The following EXOC4 variants were observed in gnomAD, a reference collection of about 807,000 sequenced individuals.
EXOC4 encodes the protein SEC8-like 1.
In EXOC4, 71 loss-of-function variants were observed where a neutral mutation model predicts 107.2. The observed-to-expected ratio is 0.66, with a 90% CI of 0.55 to 0.81. The LOEUF (loss-of-function observed/expected upper bound fraction) is 0.81. Among genes scored for constraint, EXOC4 ranks in the 30% least tolerant of loss-of-function variants. EXOC4 has a pLI of 0.00. For missense variants in EXOC4, 1,108 were observed against 1,189.6 expected (o/e 0.93, Z 1.01); for synonymous variants, 456 against 441.2 (o/e 1.03, Z -0.42).
At chr7:133,379,648 T>C (rs1228411422) in intron 7 of EXOC4, among the ~76,000 whole-genome samples, 1 of 151,924 alleles carries the variant, frequency 6.6e-6, no homozygotes, top group African/African-American at 2.4e-5. Context: ...TGTGAATAAG[T>C]TTTTATGACC....
Position 134,015,676 on chromosome 7 carries a change from A to C in EXOC4, c.2687+7841A>C, listed in dbSNP as rs28742058. Among the ~76,000 whole-genome samples, 565 of 152,156 alleles carry C rather than the reference A, an allele frequency of 3.7e-3. 6 individuals are homozygous for C. The highest frequency in any genetic ancestry group is 0.013 in the African/African-American group (544 of 41,500). On this transcript the variant is annotated intron_variant, in intron 17 of 17. Transcript: ENST00000253861. ...TGGATCACGAGGTCAGGAGATCGAG[A>C]CCATCTTGGCCAACATGGTGAAATC... is the stretch of plus-strand genomic sequence containing the variant.
At chr7:133,255,625 A>G (rs893235445) in intron 1 of EXOC4, among the ~76,000 whole-genome samples, 3 of 152,228 alleles carry the variant, frequency 2.0e-5, no homozygotes, top group African/African-American at 7.2e-5. Context: ...ATATGACCTT[A>G]AGACCGAATG....
At chr7:133,876,811 TTTTTGTTTTG>T (rs544997949) in intron 11 of EXOC4, among the ~76,000 whole-genome samples, 2 of 152,092 alleles carry the variant, frequency 1.3e-5, no homozygotes, top group Non-Finnish European at 2.9e-5. Flanking sequence ...CTTTCTTTCT[TTTTTGTTTTG>T]TTTTGTTTTG....
chr7:133,972,442 A>G (rs992113494), intron 14 of EXOC4, among the ~76,000 whole-genome samples: 5 of 152,208 alleles, frequency 3.3e-5, no homozygotes, highest in African/African-American at 9.6e-5. Context: ...TGATTCTTGG[A>G]CATACTTTAA....
rs183154954 is a variant in EXOC4, at chr7:133,273,979, G to T, written c.87-1003G>T. On this transcript the variant is annotated intron_variant, in intron 1 of 17. Transcript: ENST00000253861. The stretch of plus-strand genomic sequence containing the variant: ...CACAGCCAACAGATAAGAGGAAAAG[G>T]TTCCTTTGTTACTGATTATAATACT... Among the ~76,000 whole-genome samples, 575 of 152,182 alleles carry T rather than the reference G, an allele frequency of 3.8e-3. 5 individuals carry two copies. The highest frequency in any genetic ancestry group is 0.013 in the African/African-American group (538 of 41,528).
intron 12 of EXOC4, among the ~76,000 whole-genome samples, chr7:133,908,623 A>C (rs1799621353): frequency 6.6e-6 from 1 of 152,172 alleles, no homozygotes; most frequent in African/African-American, 2.4e-5. Flanking sequence ...AATGGAAGTA[A>C]TAATAGTACC....
At chr7:133,926,106 C>T (rs1306063579) in intron 13 of EXOC4, among the ~76,000 whole-genome samples, 1 of 150,862 alleles carries the variant, frequency 6.6e-6, no homozygotes, top group East Asian at 1.9e-4. Flanking sequence ...GCAGTCACAG[C>T]AATAAGAGTG....
At chr7:133,325,588 T>G (rs937829000) in intron 5 of EXOC4, among the ~76,000 whole-genome samples, 3 of 152,268 alleles carry the variant, frequency 2.0e-5, no homozygotes, top group Non-Finnish European at 4.4e-5. Flanking sequence ...CCGCTGTTAG[T>G]CTGATGGGCT....
rs1462039434 is a variant in EXOC4, at chr7:133,420,111, C to T, written c.1182+45109C>T. 4.1e-5 allele frequency among the ~76,000 whole-genome samples: 5 copies of T among 120,736 alleles called. No homozygotes were observed. In the East Asian group the frequency reaches 1.3e-3, roughly 31 times the overall value. 79.2% of individuals were successfully genotyped at this position (120,736 alleles called of 152,430 possible). A position where few individuals can be genotyped will look rare whatever the true frequency, so the allele number is the denominator to read the frequency against. On this transcript the variant is annotated intron_variant, in intron 7 of 17. Coordinates refer to ENST00000253861, the MANE Select transcript of EXOC4 (RefSeq NM_021807.4). ...CATTAGGTATATCTCCTAATGCTAT[C>T]CCTCCCCCCTCCCCCCACCCCACCA...
chr7:134,018,924 T>C (rs1794967546), intron 17 of EXOC4, among the ~76,000 whole-genome samples: 1 of 152,102 alleles, frequency 6.6e-6, no homozygotes, highest in Admixed American at 6.6e-5. Flanking sequence ...ATGTTTGTTT[T>C]TGTTTTTTGT....
chr7:133,378,827 G>T (rs767317976), intron 7 of EXOC4, among the ~76,000 whole-genome samples: 18 of 151,912 alleles, frequency 1.2e-4, no homozygotes, highest in African/African-American at 4.4e-4. Flanking sequence ...AACAAAGATA[G>T]GATGAATAGA....
rs185172771 is a variant in EXOC4, at chr7:133,387,348, A to C, written c.1182+12346A>C. On this transcript the variant is annotated intron_variant, in intron 7 of 17. Coordinates refer to ENST00000253861, the MANE Select transcript of EXOC4 (RefSeq NM_021807.4). Reference sequence around the variant, plus strand: ...ATTATGAAACTTCATAAATATGGGAAGGTGCTTTAATGTACATTACTATAA... The same window carrying C: ...ATTATGAAACTTCATAAATATGGGACGGTGCTTTAATGTACATTACTATAA... Among the ~76,000 whole-genome samples the C allele has an allele frequency of 8.0e-3, 1,213 of 152,324 alleles. 43 individuals are homozygous for C. The East Asian group carries it at 0.13, about 16-fold the overall frequency.
chr7:133,558,246 C>CTTTTCTTTTCTTTTCTT (rs1336498022), intron 9 of EXOC4, among the ~76,000 whole-genome samples: 13 of 144,488 alleles, frequency 9.0e-5, no homozygotes, highest in Non-Finnish European at 1.7e-4. Flanking sequence ...CTTTTCTTTT[C>CTTTTCTTTTCTTTTCTT]TTTTCTTTTC....
At chr7:133,367,084 A>G (rs574544404) in intron 6 of EXOC4, among the ~76,000 whole-genome samples, 4 of 152,236 alleles carry the variant, frequency 2.6e-5, no homozygotes, top group African/African-American at 9.6e-5. Context: ...GAACATGAAG[A>G]AGTAGATTTG....
intron 4 of EXOC4, among the ~76,000 whole-genome samples, chr7:133,307,240 A>G (rs1023324201): frequency 6.6e-6 from 1 of 152,224 alleles, no homozygotes; most frequent in Non-Finnish European, 1.5e-5. Context: ...ACCTCTTTTC[A>G]GCAGATAGGC....
At chr7:133,953,516 T>G (rs1358569298) in intron 14 of EXOC4, among the ~76,000 whole-genome samples, 1 of 151,968 alleles carries the variant, frequency 6.6e-6, no homozygotes, top group Non-Finnish European at 1.5e-5. Context: ...CTGGGCATGG[T>G]CATGTACACA....
intron 16 of EXOC4, among the ~76,000 whole-genome samples, chr7:134,007,240 C>T (rs904751341): frequency 6.6e-6 from 1 of 152,064 alleles, no homozygotes; most frequent in Non-Finnish European, 1.5e-5. Context: ...ACTTTTGAGC[C>T]CAAAGTGTCC....
intron 7 of EXOC4, 108 bp from the exon 8 acceptor site, chr7:133,475,217 ACTC>A: frequency 1.1e-6 from 1 of 887,898 alleles, no homozygotes; most frequent in Non-Finnish European, 1.7e-6. Context: ...AGGTTAATAT[ACTC>A]CTGAATGTTG....
intron 5 of EXOC4, among the ~76,000 whole-genome samples, chr7:133,319,024 A>G (rs1359629364): frequency 1.3e-5 from 2 of 152,104 alleles, no homozygotes; most frequent in Admixed American, 6.5e-5. Context: ...TGTACCTTTG[A>G]TATGTATTTT....
Sources: allele counts gnomAD v4.1 joint callset (sites outside exome capture counted in the v4.1 genomes callset), GRCh38; gene constraint gnomAD v4.1.1; transcripts MANE v1.5; gene names NCBI Gene and HGNC (gene_info 2026-07-23, HGNC 2026-07-21).